Variants in ZNF723 observed in about 807,000 individuals in gnomAD.
ZNF723 encodes zinc finger protein 723, pseudogene.
Under a neutral mutation model 9.4 loss-of-function variants are expected in ZNF723, and 5 were observed. The ratio of observed to expected loss-of-function variants is 0.53; its 90% CI spans 0.28 to 1.12. The LOEUF is 1.12. Ranked by LOEUF, ZNF723 falls within the 50% of genes most tolerant of loss-of-function variation. ZNF723 has a pLI of 0.10. For missense variants in ZNF723, 450 were observed against 501.5 expected (o/e 0.90, Z 0.98); for synonymous variants, 158 against 168.8 (o/e 0.94, Z 0.49).
At chr19:22,834,845 C>T (rs967659566) in intron 1 of ZNF723, among the ~76,000 whole-genome samples, 2 of 152,132 alleles carry the variant, frequency 1.3e-5, no homozygotes, top group Non-Finnish European at 2.9e-5. Context: ...AATAGTATCC[C>T]CAAAGACAGG....
rs536203079 is a variant in ZNF723 at position 22,841,774 on chromosome 19, T to C, written c.4-6487T>C. ...TGAGTGTTGAGTAGACATGTAGACA[T>C]GAGAATCTCCACTCTCCCCTTCCTC... On this transcript the variant is annotated intron_variant, in intron 1 of 3. Coordinates refer to ENST00000600766, the MANE Select transcript of ZNF723 (RefSeq NM_001349726.2). 2.6e-5 allele frequency among the ~76,000 whole-genome samples: 4 copies of C among 152,196 alleles called. No homozygotes were observed. The East Asian group carries it at 7.7e-4, about 29-fold the overall frequency.
Position 22,858,176 on chromosome 19 carries a change from C to A in ZNF723, c.1285C>A (p.Gln429Lys). 1 of 1,399,846 alleles carries A rather than the reference C, an allele frequency of 7.1e-7. No individual in the cohort carries two copies. The highest frequency in any genetic ancestry group is 1.0e-6 in the Non-Finnish European group (1 of 989,064). 86.7% of individuals were successfully genotyped at this position (1,399,846 alleles called of 1,614,324 possible). ...TGGAGAAAGACCTTACAAATGTAAA[C>A]AATGTGGTAAAGGTTTTAGCCAATC... ...HTGERPYKCKQCGKGFSQSST... is the reference protein window; with the variant it reads ...HTGERPYKCKKCGKGFSQSST... Residue 429 changes from glutamine (Q) to lysine (K), a missense_variant, in exon 4 of 4, where the codon CAA becomes AAA. Coordinates refer to ENST00000600766, the MANE Select transcript of ZNF723 (RefSeq NM_001349726.2).
At chr19:22,842,833 ATT>A (rs1967265738) in intron 1 of ZNF723, among the ~76,000 whole-genome samples, 1 of 152,172 alleles carries the variant, frequency 6.6e-6, no homozygotes, top group Non-Finnish European at 1.5e-5. Flanking sequence ...CAGACTTTGA[ATT>A]GAGAATGTAG....
intron 1 of ZNF723, chr19:22,841,067 G>C (rs1046183038): frequency 1.2e-4 from 19 of 152,200 alleles, no homozygotes; most frequent in African/African-American, 4.6e-4. Context: ...CATCAGGAGA[G>C]GGCAAGCAGG....
intron 1 of ZNF723, among the ~76,000 whole-genome samples, chr19:22,847,035 ATT>A (rs142337015): frequency 0.011 from 1,490 of 137,260 alleles, 23 homozygotes; most frequent in African/African-American, 0.036. Flanking sequence ...TCTCTGACAG[ATT>A]TTTTTTTTTT....
upstream of ZNF723, among the ~76,000 whole-genome samples, chr19:22,828,876 A>T (rs368097753): frequency 6.6e-6 from 1 of 152,186 alleles, no homozygotes; most frequent in Non-Finnish European, 1.5e-5. Flanking sequence ...CTAATCCTTT[A>T]AAAAATAAAT....
chr19:22,843,023 C>T (rs1967268744), intron 1 of ZNF723, among the ~76,000 whole-genome samples: 1 of 152,140 alleles, frequency 6.6e-6, no homozygotes, highest in Non-Finnish European at 1.5e-5. Flanking sequence ...TGTGAACAAG[C>T]ATCTTCAGAG....
At chr19:22,844,158 G>A (rs2145217172) in intron 1 of ZNF723, among the ~76,000 whole-genome samples, 1 of 152,146 alleles carries the variant, frequency 6.6e-6, no homozygotes, top group East Asian at 1.9e-4. Flanking sequence ...GAGATAAAGG[G>A]AAAAATAAAG....
At chr19:22,831,350 A>G (rs560104190), upstream of ZNF723, among the ~76,000 whole-genome samples, 1 of 148,998 alleles carries the variant, frequency 6.7e-6, no homozygotes, top group South Asian at 2.1e-4. Context: ...TGAGGTCAGG[A>G]GTTCGAGACC....
chr19:22,824,449 G>C, the ZNF723 span, among the ~76,000 whole-genome samples: 3 of 151,964 alleles, frequency 2.0e-5, no homozygotes, highest in African/African-American at 7.3e-5. Flanking sequence ...CATATGCCTG[G>C]GACGTGGTCA....
intron 1 of ZNF723, among the ~76,000 whole-genome samples, chr19:22,836,971 A>C (rs1189661273): frequency 6.6e-6 from 1 of 152,076 alleles, no homozygotes; most frequent in Non-Finnish European, 1.5e-5. Context: ...GAGATTATGG[A>C]AGTCCCCAGT....
chr19:22,857,350 C>G lies in ZNF723; in HGVS notation c.459C>G (p.Val153=). The change falls in exon 4 of 4, where the codon GTC becomes GTG. Residue 153 remains valine (V), a synonymous_variant. Coordinates refer to ENST00000600766, the MANE Select transcript of ZNF723 (RefSeq NM_001349726.2). The part of the protein sequence containing the change: ...KIFQCDKYVK[V]FHKFSSSNSQ... ...TTCAATGTGATAAATATGTAAAAGT[C>G]TTTCATAAATTTTCAAGTTCAAATA... 1.2e-6 allele frequency: 1 copy of G among 825,958 alleles called. No individual in the cohort carries two copies. Among genetic ancestry groups the G allele is most frequent in the Non-Finnish European group, 2.1e-6 (1 of 466,620 alleles). The allele number at this position is 825,958 out of a possible 1,614,324, so 51.2% of individuals were successfully genotyped here. A position where few individuals can be genotyped will look rare whatever the true frequency, so the allele number is the denominator to read the frequency against.
intron 1 of ZNF723, among the ~76,000 whole-genome samples, chr19:22,841,497 G>C (rs1006845554): frequency 2.0e-5 from 3 of 152,110 alleles, no homozygotes; most frequent in African/African-American, 7.2e-5. Context: ...TCTGGGGCTG[G>C]AGAAAATTTT....
chr19:22,814,325 C>A, the ZNF723 span, among the ~76,000 whole-genome samples: 4 of 152,178 alleles, frequency 2.6e-5, no homozygotes, highest in African/African-American at 4.8e-5. Flanking sequence ...TAGGGCCAAG[C>A]ACACAGGTGA....
chr19:22,848,442 G>T, intron 2 of ZNF723, 55 bp downstream of exon 2: 1 of 1,233,546 alleles, frequency 8.1e-7, no homozygotes, highest in South Asian at 1.4e-5. Context: ...TCTTTTTTTG[G>T]TGTTGTAGAA....
chr19:22,855,235 T>C (rs1967460018), intron 3 of ZNF723, among the ~76,000 whole-genome samples: 1 of 150,364 alleles, frequency 6.7e-6, no homozygotes, highest in Non-Finnish European at 1.5e-5. Context: ...GTTTTCTTTT[T>C]TTTTTTTTTT....
chr19:22,851,213 C>G (rs979883384), intron 3 of ZNF723, among the ~76,000 whole-genome samples: 2 of 151,872 alleles, frequency 1.3e-5, no homozygotes, highest in African/African-American at 4.8e-5. Context: ...GCTCTGTTGC[C>G]TAGGCTGGAG....
chr19:22,830,377 AGGCT>A, upstream of ZNF723, among the ~76,000 whole-genome samples: 1 of 152,348 alleles, frequency 6.6e-6, no homozygotes, highest in Non-Finnish European at 1.5e-5. Flanking sequence ...TATGTTGCCC[AGGCT>A]GTACTTGAAC....
intron 1 of ZNF723, among the ~76,000 whole-genome samples, chr19:22,847,267 T>TA (rs1967326630): frequency 1.3e-5 from 2 of 151,370 alleles, no homozygotes; most frequent in African/African-American, 4.9e-5. Context: ...TTTTTTTTTT[T>TA]AATTAAGTAT....
Sources: allele counts gnomAD v4.1 joint callset (sites outside exome capture counted in the v4.1 genomes callset), GRCh38; gene constraint gnomAD v4.1.1; transcripts MANE v1.5; gene names NCBI Gene and HGNC (gene_info 2026-07-23, HGNC 2026-07-21).